The following GOLM2 variants were observed in gnomAD, a reference collection of about 807,000 sequenced individuals.
The protein encoded by GOLM2 is protein GOLM2.
In GOLM2, 26 loss-of-function variants were observed where a neutral mutation model predicts 55.9. The observed-to-expected ratio is 0.47, with a 90% confidence interval of 0.34 to 0.65. GOLM2 has a LOEUF of 0.65. GOLM2 is among the 30% of genes least tolerant of loss of function. GOLM2 has a pLI of 0.01. For missense variants in GOLM2, 486 were observed against 531.8 expected (o/e 0.91, Z 0.85); for synonymous variants, 165 against 194.6 (o/e 0.85, Z 1.27).
At chr15:44,374,762 T>C (rs370744174) in intron 6 of GOLM2, among the ~76,000 whole-genome samples, 7 of 152,246 alleles carry the variant, frequency 4.6e-5, no homozygotes, top group African/African-American at 1.7e-4. Flanking sequence ...ATGGGGATGG[T>C]GCTAAACCAT....
At chr15:44,328,112 A>G (rs143954046) in intron 2 of GOLM2, among the ~76,000 whole-genome samples, 1 of 152,366 alleles carries the variant, frequency 6.6e-6, no homozygotes, top group East Asian at 1.9e-4. Context: ...GTGTCTATAC[A>G]AAGTGTAACA....
At chr15:44,358,988 C>G (rs1207763438) in intron 6 of GOLM2, among the ~76,000 whole-genome samples, 2 of 151,428 alleles carry the variant, frequency 1.3e-5, no homozygotes, top group African/African-American at 4.9e-5. Context: ...AACCCCATCG[C>G]CACTAAAAAT....
intron 2 of GOLM2, among the ~76,000 whole-genome samples, chr15:44,326,800 C>T (rs1165703758): frequency 6.0e-5 from 9 of 150,526 alleles, no homozygotes; most frequent in African/African-American, 1.5e-4. Context: ...TACAGGCATG[C>T]GCCACCACAC....
chr15:44,407,468 T>C (rs186763713), intron 9 of GOLM2, among the ~76,000 whole-genome samples: 2 of 151,676 alleles, frequency 1.3e-5, no homozygotes, highest in Admixed American at 1.3e-4. Flanking sequence ...GATTTAGCCA[T>C]GTTTCCCATG....
chr15:44,403,518 C>T (rs1023638426), intron 9 of GOLM2, among the ~76,000 whole-genome samples: 4 of 151,986 alleles, frequency 2.6e-5, no homozygotes, highest in African/African-American at 9.7e-5. Flanking sequence ...ATTTTGAAAA[C>T]TTTTATAATA....
intron 1 of GOLM2, among the ~76,000 whole-genome samples, chr15:44,319,147 C>G (rs1437230839): frequency 6.6e-6 from 1 of 152,180 alleles, no homozygotes; most frequent in African/African-American, 2.4e-5. Flanking sequence ...TGCCTATTTA[C>G]TTGACTCCCC....
intron 6 of GOLM2, among the ~76,000 whole-genome samples, chr15:44,369,067 T>TTTTTTATATA (rs1491095871): frequency 4.4e-5 from 1 of 22,960 alleles, no homozygotes; most frequent in African/African-American, 1.5e-4. Context: ...ATAGGATATA[T>TTTTTTATATA]TATATATATA....
Position 44,383,429 on chromosome 15 carries a change from A to G in GOLM2, c.1072+2453A>G, listed in dbSNP as rs754348248. 1.3e-3 allele frequency among the ~76,000 whole-genome samples: 205 copies of G among 152,152 alleles called. 1 individual carries two copies. Among genetic ancestry groups the G allele is most frequent in the African/African-American group, 4.8e-3 (198 of 41,560 alleles). On this transcript the variant is annotated intron_variant, in intron 8 of 9. Transcript: ENST00000299957. ...TTTTAAAGTGTCACTGGAGTTATTT[A>G]AGTTTAGGGGTTTCTCTGTGGCCTG...
intron 6 of GOLM2, among the ~76,000 whole-genome samples, chr15:44,359,731 A>T (rs1329983710): frequency 6.6e-6 from 1 of 152,152 alleles, no homozygotes; most frequent in African/African-American, 2.4e-5. Flanking sequence ...GAGAAGAGCA[A>T]CTCCAAGACA....
At chr15:44,349,071 C>T (rs1482996442) in intron 6 of GOLM2, among the ~76,000 whole-genome samples, 1 of 151,798 alleles carries the variant, frequency 6.6e-6, no homozygotes, top group Non-Finnish European at 1.5e-5. Flanking sequence ...ACCAGCCTGA[C>T]CAACATGGAG....
intron 8 of GOLM2, among the ~76,000 whole-genome samples, chr15:44,389,125 C>A (rs1408976052): frequency 6.6e-6 from 1 of 152,102 alleles, no homozygotes; most frequent in Non-Finnish European, 1.5e-5. Context: ...CTTGAAAATT[C>A]ATTTTTAAGT....
At chr15:44,386,055 T>C (rs1429862734) in intron 8 of GOLM2, among the ~76,000 whole-genome samples, 1 of 152,234 alleles carries the variant, frequency 6.6e-6, no homozygotes, top group African/African-American at 2.4e-5. Context: ...GTCCAATTTA[T>C]CTATTTTTTG....
intron 6 of GOLM2, among the ~76,000 whole-genome samples, chr15:44,358,148 GT>G (rs1271180715): frequency 1.3e-5 from 2 of 152,218 alleles, no homozygotes; most frequent in East Asian, 3.8e-4. Flanking sequence ...GAGGCCAGGA[GT>G]TTGAGACCAG....
intron 2 of GOLM2, among the ~76,000 whole-genome samples, chr15:44,326,742 C>G (rs2078984440): frequency 6.6e-6 from 1 of 150,654 alleles, no homozygotes; most frequent in Non-Finnish European, 1.5e-5. Context: ...ACCTCCGCCA[C>G]TCGGGTTCAA....
intron 3 of GOLM2, among the ~76,000 whole-genome samples, chr15:44,331,311 C>T (rs1000508615): frequency 7.9e-5 from 12 of 152,266 alleles, no homozygotes; most frequent in African/African-American, 2.9e-4. Flanking sequence ...GCCACCCTGC[C>T]TAGCCACATA....
chr15:44,323,348 G>A (rs1258915423), intron 2 of GOLM2, among the ~76,000 whole-genome samples: 1 of 152,040 alleles, frequency 6.6e-6, no homozygotes, highest in Non-Finnish European at 1.5e-5. Flanking sequence ...AAGGTGAGAA[G>A]TGTTCCCTCT....
chr15:44,331,175 T>C lies in GOLM2; in HGVS notation c.486-813T>C, dbSNP rs1382072641. ...GACCACAGGCACGTACCACCATGCC[T>C]GGCTATATTTTTTGTATCTTTAGTA... On this transcript the variant is annotated intron_variant, in intron 3 of 9. Coordinates refer to ENST00000299957, the MANE Select transcript of GOLM2 (RefSeq NM_138423.4). Among the ~76,000 whole-genome samples, 3 of 152,078 alleles carry C rather than the reference T, an allele frequency of 2.0e-5. No homozygotes were observed. In the South Asian group the frequency reaches 6.2e-4, roughly 32 times the overall value.
chr15:44,399,569 G>T (rs1381770496), intron 8 of GOLM2, among the ~76,000 whole-genome samples: 2 of 152,250 alleles, frequency 1.3e-5, no homozygotes, highest in South Asian at 4.1e-4. Context: ...AAATTGTTCT[G>T]TTGGAATATT....
intron 1 of GOLM2, among the ~76,000 whole-genome samples, chr15:44,315,101 G>A (rs1301361640): frequency 6.6e-6 from 1 of 152,178 alleles, no homozygotes; most frequent in Non-Finnish European, 1.5e-5. Flanking sequence ...GCCTTTCCCA[G>A]ACTACTGAAT....
Sources: gnomAD v4.1 joint callset for allele counts (sites outside exome capture counted in the v4.1 genomes callset) on GRCh38, gnomAD v4.1.1 for gene constraint, MANE v1.5 for transcripts, NCBI Gene and HGNC (gene_info 2026-07-23, HGNC 2026-07-21) for gene names.